OLFML2A: variants seen among roughly 807,000 people sequenced by gnomAD.
The protein encoded by OLFML2A is olfactomedin-like protein 2A.
OLFML2A carries 47 observed loss-of-function variants against 60.9 expected under a neutral mutation model. The observed-to-expected ratio is 0.77, with a 90% CI of 0.61 to 0.98. OLFML2A has a LOEUF of 0.98. Among genes scored for constraint, OLFML2A ranks in the 50% least tolerant of loss-of-function variants. The probability of loss-of-function intolerance (pLI) is 0.00; values close to 1 mark genes in which losing one functional copy is unlikely to be tolerated. For synonymous variants in OLFML2A, 372 were observed against 375.0 expected (o/e 0.99, Z 0.09); for missense variants, 922 against 879.8 (o/e 1.05, Z -0.61).
Position 124,787,205 on chromosome 9 carries a change from G to A in OLFML2A, c.321G>A (p.Glu107=). 6.2e-7 allele frequency: 1 copy of A among 1,614,182 alleles called. No individual in the cohort carries two copies. The highest frequency in any genetic ancestry group is 1.3e-5 in the African/African-American group (1 of 75,054). ...CCTGTGAGAACGAGTGGAAGATGGAGAAACTCAAAAAGCAGGCGCCCGAGC... is the reference window on the plus strand; with the variant it reads ...CCTGTGAGAACGAGTGGAAGATGGAAAAACTCAAAAAGCAGGCGCCCGAGC... ...LNPCENEWKM[E]KLKKQAPELL... is the part of the protein sequence containing the mutation. The change falls in exon 2 of 8, where the codon GAG becomes GAA. Residue 107 remains glutamate, a synonymous_variant. Transcript: ENST00000373580.
At position 124,807,828 on chromosome 9, in the gene OLFML2A, G is replaced by A; in HGVS notation, c.1216G>A (p.Val406Met). The change falls in exon 7 of 8, where the codon GTG becomes ATG. Residue 406 changes from valine to methionine, a missense_variant. Physicochemically the swap from Val to Met is conservative, Grantham distance 21. Coordinates refer to ENST00000373580, the MANE Select transcript of OLFML2A (RefSeq NM_182487.4). ...CACCCTCCGGGCTGTGGACCCCCCT[G>A]TGAGGCACCACAGCTATGGGCGCCA... Reference protein sequence around the residue: ...EGTLRAVDPPVRHHSYGRHEG... With the variant: ...EGTLRAVDPPMRHHSYGRHEG... The A allele has an allele frequency of 1.2e-6, 2 of 1,614,018 alleles. No homozygotes were observed. The highest frequency in any genetic ancestry group is 1.7e-6 in the Non-Finnish European group (2 of 1,179,972).
At chr9:124,807,393 C>A (rs1246048945) in intron 6 of OLFML2A, among the ~76,000 whole-genome samples, 1 of 148,484 alleles carries the variant, frequency 6.7e-6, no homozygotes, top group Non-Finnish European at 1.5e-5. Flanking sequence ...AAGTGATTCT[C>A]CTGTCTCAGC....
In OLFML2A at chr9:124,777,438, G is replaced by A. The variant is rs1841278862; in HGVS notation, c.90+78G>A. ...GGCGCTGTGGCTGGGGTGCGGCCCGGGAGGGAGCCCGGGGCCAGGGCGGAG... is the reference window on the plus strand; with the variant it reads ...GGCGCTGTGGCTGGGGTGCGGCCCGAGAGGGAGCCCGGGGCCAGGGCGGAG... On this transcript the variant is annotated intron_variant, in intron 1 of 7. Coordinates refer to ENST00000373580, the MANE Select transcript of OLFML2A (RefSeq NM_182487.4). This position sits in a 1 kb window ranked among gnomAD's most constrained non-coding sequence, Gnocchi z 6.2. 1.6e-5 allele frequency: 19 copies of A among 1,206,086 alleles called. No homozygotes were observed. The highest frequency in any genetic ancestry group is 2.0e-5 in the Non-Finnish European group (19 of 968,262). The allele number at this position is 1,206,086 out of a possible 1,614,324, so 74.7% of individuals were successfully genotyped here.
rs1564291782 is a variant in OLFML2A at position 124,812,777 on chromosome 9, GA to G, written c.*2372del. 6.6e-6 allele frequency: 1 copy of G among 152,012 alleles called. No homozygotes were observed. The highest frequency in any genetic ancestry group is 1.5e-5 in the Non-Finnish European group (1 of 67,950). 9.4% of individuals were successfully genotyped at this position (152,012 alleles called of 1,614,324 possible). On this transcript the variant is annotated 3_prime_UTR_variant, in exon 8 of 8. Transcript: ENST00000373580. ...AAGGCCCCCCTTTCTTCATTAATCT[GA>G]AAAAAAGGAAAGTGAGAATAGGCTG...
At chr9:124,804,026 G>A in intron 5 of OLFML2A, 68 bp from the exon 6 acceptor site, 1 of 1,556,586 alleles carries the variant, frequency 6.4e-7, no homozygotes, top group African/African-American at 1.4e-5. Context: ...GGGCCCAGTG[G>A]ACCTTAGGGA....
intron 3 of OLFML2A, among the ~76,000 whole-genome samples, chr9:124,796,733 C>T (rs1266786055): frequency 1.3e-5 from 2 of 152,206 alleles, no homozygotes; most frequent in South Asian, 4.1e-4. Context: ...TCTTCCCTGA[C>T]ACCAATAGTT....
intron 4 of OLFML2A, among the ~76,000 whole-genome samples, chr9:124,800,530 T>C (rs1326544920): frequency 1.3e-5 from 2 of 152,224 alleles, no homozygotes; most frequent in African/African-American, 4.8e-5. Flanking sequence ...GCCCACCCTC[T>C]TCCTCTCTTC....
rs55672025 is a variant in OLFML2A, at chr9:124,810,413, G to A, written c.*1G>A. 3.1e-6 allele frequency: 5 copies of A among 1,589,784 alleles called. No homozygotes were observed. In the South Asian group the frequency reaches 4.4e-5, roughly 14 times the overall value. ...CTACACCCTCCACTTCGTGGTCTGA[G>A]TGGAGACCTGTGCTCCCCGGAGAGG... On this transcript the variant is annotated 3_prime_UTR_variant, in exon 8 of 8. Coordinates refer to ENST00000373580, the MANE Select transcript of OLFML2A (RefSeq NM_182487.4).
chr9:124,802,463 C>T (rs1841796566), intron 5 of OLFML2A, among the ~76,000 whole-genome samples: 1 of 152,262 alleles, frequency 6.6e-6, no homozygotes, highest in South Asian at 2.1e-4. Context: ...GACCAGGCTC[C>T]TTTGAGAGCC....
chr9:124,814,227 C>G lies in OLFML2A; in HGVS notation c.*3815C>G, dbSNP rs1471887334. The G allele has an allele frequency of 6.6e-6, 1 of 152,270 alleles. No individual in the cohort carries two copies. Among genetic ancestry groups the G allele is most frequent in the African/African-American group, 2.4e-5 (1 of 41,462 alleles). 9.4% of individuals were successfully genotyped at this position (152,270 alleles called of 1,614,324 possible). A position where few individuals can be genotyped will look rare whatever the true frequency, so the allele number is the denominator to read the frequency against. The stretch of plus-strand genomic sequence containing the variant: ...CATGTGTTCCAAAGCGTCTTTAACT[C>G]TGGGATAGCATTGGAAGCCGCTGTC... On this transcript the variant is annotated 3_prime_UTR_variant, in exon 8 of 8. Transcript: ENST00000373580.
At position 124,804,077 on chromosome 9, in the gene OLFML2A, G is replaced by C. The variant is rs748323455; in HGVS notation, c.920-17G>C. ...AGGTGGTGCTGAGATTTGAGCACAGGGGTCTTCTCTCTGCAGACAACACCC... is the reference window on the plus strand; with the variant it reads ...AGGTGGTGCTGAGATTTGAGCACAGCGGTCTTCTCTCTGCAGACAACACCC... On this transcript the variant is annotated splice_polypyrimidine_tract_variant and intron_variant, in intron 5 of 7. Coordinates refer to ENST00000373580, the MANE Select transcript of OLFML2A (RefSeq NM_182487.4). 1 of 1,612,672 alleles carries C rather than the reference G, an allele frequency of 6.2e-7. No homozygotes were observed. Among genetic ancestry groups the C allele is most frequent in the Non-Finnish European group, 8.5e-7 (1 of 1,179,148 alleles).
Position 124,810,425 on chromosome 9 carries a change from G to A in OLFML2A, c.*13G>A, listed in dbSNP as rs765556048. ...CTTCGTGGTCTGAGTGGAGACCTGT[G>A]CTCCCCGGAGAGGGGCAGCAGTGCG... On this transcript the variant is annotated 3_prime_UTR_variant, in exon 8 of 8. Transcript: ENST00000373580. 2 of 1,583,178 alleles carry A rather than the reference G, an allele frequency of 1.3e-6. No individual in the cohort carries two copies. The highest frequency in any genetic ancestry group is 2.2e-5 in the East Asian group (1 of 44,550).
chr9:124,807,758 G>A (rs1841926016), intron 6 of OLFML2A, 23 bp from the exon 7 acceptor site: 2 of 1,593,694 alleles, frequency 1.3e-6, no homozygotes, highest in Non-Finnish European at 1.7e-6. Flanking sequence ...GTGTACCGAT[G>A]CTGCCTGCCC....
chr9:124,778,423 C>T (rs1177262664), intron 1 of OLFML2A, among the ~76,000 whole-genome samples: 2 of 150,580 alleles, frequency 1.3e-5, no homozygotes, highest in Non-Finnish European at 3.0e-5. Context: ...CTGGAAATGA[C>T]TCCCTGATGG....
At position 124,795,017 on chromosome 9, in the gene OLFML2A, C is replaced by A. The variant is rs771127718; in HGVS notation, c.355-7C>A. The A allele has an allele frequency of 7.0e-6, 11 of 1,567,524 alleles. No individual in the cohort carries two copies. The highest frequency in any genetic ancestry group is 1.7e-5 in the Admixed American group (1 of 57,264). On this transcript the variant is annotated splice_polypyrimidine_tract_variant and splice_region_variant and intron_variant, in intron 2 of 7. Transcript: ENST00000373580. ...TCTTTGCCTAACCATCCCCCTTCCC[C>A]GGGCAGCTGCAGTCCATGGTGGATC...
In OLFML2A at chr9:124,812,660, C is replaced by G. The variant is rs946781796; in HGVS notation, c.*2248C>G. The G allele has an allele frequency of 6.6e-6, 1 of 152,440 alleles. No individual in the cohort carries two copies. The highest frequency in any genetic ancestry group is 1.5e-5 in the Non-Finnish European group (1 of 68,154). 9.4% of individuals were successfully genotyped at this position (152,440 alleles called of 1,614,324 possible). ...CTCTTCCAGACTCACCAGGGGGCCT[C>G]GAGGCCCCGGCATCTCCCTTGGCCC... On this transcript the variant is annotated 3_prime_UTR_variant, in exon 8 of 8. Transcript: ENST00000373580.
chr9:124,804,261 A>G lies in OLFML2A; in HGVS notation c.1087A>G (p.Thr363Ala), dbSNP rs1293277730. The part of the protein sequence containing the change: ...GTPTSIPATT[T>A]TATTTPTPTT... ...CCCCACTTCAATCCCTGCCACCACC[A>G]CCACCGCCACCACCACCCCAACCCC... Residue 363 changes from threonine to alanine, a missense_variant, in exon 6 of 8, where the codon ACC (threonine) becomes GCC (alanine). Thr to Ala is a moderately conservative substitution (Grantham distance 58). Transcript: ENST00000373580. 2.5e-6 allele frequency: 4 copies of G among 1,577,148 alleles called. No homozygotes were observed. The highest frequency in any genetic ancestry group is 3.5e-6 in the Non-Finnish European group (4 of 1,156,790).
intron 1 of OLFML2A, among the ~76,000 whole-genome samples, chr9:124,781,192 G>A (rs1456318188): frequency 5.3e-5 from 8 of 152,186 alleles, no homozygotes; most frequent in Non-Finnish European, 1.5e-5. Flanking sequence ...CCGAACTAGG[G>A]CTATGGCTGT....
In OLFML2A at chr9:124,777,563, A is replaced by G. The variant is rs867195121; in HGVS notation, c.90+203A>G. Among the ~76,000 whole-genome samples the G allele has an allele frequency of 6.6e-6, 1 of 151,874 alleles. No homozygotes were observed. The highest frequency in any genetic ancestry group is 1.5e-5 in the Non-Finnish European group (1 of 67,906). On this transcript the variant is annotated intron_variant, in intron 1 of 7. Transcript: ENST00000373580. This position sits in a 1 kb window ranked among gnomAD's most constrained non-coding sequence, Gnocchi z 6.2. ...GCGCGTGGAGGAACAAGCGCTGGAG[A>G]TGTAGGGATGCTAGGGACCCGGGGC...
Sources: allele counts gnomAD v4.1 joint callset (sites outside exome capture counted in the v4.1 genomes callset), GRCh38; gene constraint gnomAD v4.1.1; non-coding constraint Gnocchi (gnomAD v3.1); transcripts MANE v1.5; gene names NCBI Gene and HGNC (gene_info 2026-07-23, HGNC 2026-07-21).